DNAJC6: variants seen among roughly 807,000 people sequenced by gnomAD.
DNAJC6 encodes the protein DnaJ heat shock protein family (Hsp40) member C6.
In DNAJC6, 34 loss-of-function variants were observed where a neutral mutation model predicts 110.0. The observed-to-expected ratio is 0.31, with a 90% CI of 0.24 to 0.41. The LOEUF (loss-of-function observed/expected upper bound fraction) is 0.41, where lower values mean the gene tolerates loss of function less well. Ranked by LOEUF, DNAJC6 falls within the 10% of genes least tolerant of loss-of-function variation. The pLI is 1.00. For missense variants in DNAJC6, 1,031 were observed against 1,207.8 expected (o/e 0.85, Z 2.17); for synonymous variants, 406 against 437.2 (o/e 0.93, Z 0.89).
At chr1:65,344,901 C>A (rs764391775) in intron 1 of DNAJC6, among the ~76,000 whole-genome samples, 1 of 152,154 alleles carries the variant, frequency 6.6e-6, no homozygotes, top group Non-Finnish European at 1.5e-5. Flanking sequence ...GATGCCTGAT[C>A]TGTATACATT....
chr1:65,366,865 A>G (rs2101561043), intron 4 of DNAJC6, among the ~76,000 whole-genome samples: 1 of 152,324 alleles, frequency 6.6e-6, no homozygotes, highest in South Asian at 2.1e-4. Flanking sequence ...AATAAATAGA[A>G]TGGACTTTCT....
rs528398632 is a variant in DNAJC6 at position 65,397,584 on chromosome 1, G to A, written c.2039-1229G>A. On this transcript the variant is annotated intron_variant, in intron 13 of 18. Transcript: ENST00000371069. ...TGATGTGGTGCCTTGCATGTGGTAG[G>A]TAGTCATAAGGGTTTGTGGGTTTGA... is the stretch of plus-strand genomic sequence containing the variant. 5.9e-5 allele frequency among the ~76,000 whole-genome samples: 9 copies of A among 152,272 alleles called. No homozygotes were observed. In the East Asian group the frequency reaches 9.7e-4, roughly 16 times the overall value.
At chr1:65,399,797 TTG>T (rs1285213509) in intron 14 of DNAJC6, among the ~76,000 whole-genome samples, 1 of 152,236 alleles carries the variant, frequency 6.6e-6, no homozygotes, top group African/African-American at 2.4e-5. Flanking sequence ...CATTTGACTT[TTG>T]TGGCTGGCTT....
intron 4 of DNAJC6, among the ~76,000 whole-genome samples, chr1:65,373,352 C>G (rs1645726891): frequency 6.6e-6 from 1 of 151,956 alleles, no homozygotes; most frequent in South Asian, 2.1e-4. Flanking sequence ...CATATGGAAC[C>G]TTCATACTGT....
intron 1 of DNAJC6, among the ~76,000 whole-genome samples, chr1:65,302,581 T>A (rs1644998591): frequency 7.6e-6 from 1 of 131,676 alleles, no homozygotes. Context: ...CAGGCCGGAC[T>A]GCGGACTGCA....
At chr1:65,412,533 C>T (rs1248964615) in intron 18 of DNAJC6, among the ~76,000 whole-genome samples, 7 of 152,128 alleles carry the variant, frequency 4.6e-5, no homozygotes, top group Non-Finnish European at 7.4e-5. Flanking sequence ...CAGAAAAATC[C>T]ACAAACTGTA....
chr1:65,327,029 G>A (rs1645247711), intron 1 of DNAJC6, among the ~76,000 whole-genome samples: 1 of 152,038 alleles, frequency 6.6e-6, no homozygotes, highest in African/African-American at 2.4e-5. Flanking sequence ...TAGAAAGAAG[G>A]GTCTATATAA....
At chr1:65,398,635 G>A (rs904513155) in intron 13 of DNAJC6, among the ~76,000 whole-genome samples, 178 bp from the exon 14 acceptor site, 2 of 152,198 alleles carry the variant, frequency 1.3e-5, no homozygotes, top group Admixed American at 1.3e-4. Context: ...CAGAGGTGAA[G>A]GCAGAACATA....
At chr1:65,365,755 G>C (rs1645639513) in intron 2 of DNAJC6, 130 bp from the exon 3 acceptor site, 1 of 958,248 alleles carries the variant, frequency 1.0e-6, no homozygotes, top group African/African-American at 1.6e-5. Flanking sequence ...TGGAGAGAAG[G>C]GCTGGAGGGG....
intron 1 of DNAJC6, among the ~76,000 whole-genome samples, chr1:65,344,312 C>T (rs113476349): frequency 0.019 from 2,906 of 152,294 alleles, 46 homozygotes; most frequent in South Asian, 0.033. Flanking sequence ...GATACATGCA[C>T]ATGTGTGTAT....
chr1:65,393,319 T>C (rs1645946981), intron 12 of DNAJC6, among the ~76,000 whole-genome samples: 1 of 152,178 alleles, frequency 6.6e-6, no homozygotes, highest in African/African-American at 2.4e-5. Flanking sequence ...AATGGAAGCA[T>C]AGAATTAAAT....
intron 1 of DNAJC6, among the ~76,000 whole-genome samples, chr1:65,325,071 G>A (rs1385142206): frequency 6.6e-6 from 1 of 152,190 alleles, no homozygotes; most frequent in Admixed American, 6.5e-5. Flanking sequence ...GGCTGCAGGA[G>A]GTTCTTTGCT....
intron 8 of DNAJC6, among the ~76,000 whole-genome samples, chr1:65,387,765 G>C (rs1645886483): frequency 6.6e-6 from 1 of 152,380 alleles, no homozygotes; most frequent in Admixed American, 6.5e-5. Context: ...AATGTGGCAA[G>C]TAATTGTGTT....
intron 13 of DNAJC6, among the ~76,000 whole-genome samples, chr1:65,397,693 A>T (rs1030627419): frequency 6.6e-6 from 1 of 152,182 alleles, no homozygotes; most frequent in Non-Finnish European, 1.5e-5. Context: ...AGGAAATCAG[A>T]TAGAACGTAC....
At chr1:65,308,118 C>T (rs894576511), upstream of DNAJC6, among the ~76,000 whole-genome samples, 4 of 152,130 alleles carry the variant, frequency 2.6e-5, no homozygotes, top group East Asian at 1.9e-4. Context: ...TAGAGCTTCC[C>T]GGAAACTTTC....
chr1:65,405,802 GTCT>G (rs1255058264), intron 15 of DNAJC6, 65 bp from the exon 16 acceptor site: 1 of 1,522,582 alleles, frequency 6.6e-7, no homozygotes, highest in African/African-American at 1.4e-5. Flanking sequence ...TGCAAACAGT[GTCT>G]TAAGACACAA....
chr1:65,385,851 G>A lies in DNAJC6; in HGVS notation c.940G>A (p.Val314Ile), dbSNP rs768478038. The change falls in exon 7 of 19, where the codon GTA (valine) becomes ATA (isoleucine). Residue 314 changes from valine (V) to isoleucine (I), a missense_variant. By Grantham distance (29) the Val-to-Ile change is conservative. Coordinates refer to ENST00000371069, the MANE Select transcript of DNAJC6 (RefSeq NM_001256864.2). ...QRNGCRPYCD[V>I]LIGETKIYST... ...GAATGGATGTCGCCCTTACTGTGAT[G>A]TACTCATTGGAGAAACCAAAATATA... 1.1e-5 allele frequency: 18 copies of A among 1,613,682 alleles called. No individual in the cohort carries two copies. Among genetic ancestry groups the A allele is most frequent in the Non-Finnish European group, 1.4e-5 (16 of 1,179,696 alleles).
rs372753445 is a variant in DNAJC6 at position 65,410,339 on chromosome 1, T to C, written c.2635-911T>C. ...CTTTGATACATTTTTTAGTACAATG[T>C]AGGGTCTTTCATTTGCATGTTTTTC... is the stretch of plus-strand genomic sequence containing the variant. On this transcript the variant is annotated intron_variant, in intron 17 of 18. Transcript: ENST00000371069. 1.8e-3 allele frequency among the ~76,000 whole-genome samples: 267 copies of C among 152,294 alleles called. 2 individuals are homozygous for C. Among genetic ancestry groups the C allele is most frequent in the African/African-American group, 6.1e-3 (252 of 41,562 alleles).
intron 1 of DNAJC6, among the ~76,000 whole-genome samples, chr1:65,320,936 C>G (rs375202624): frequency 6.6e-6 from 1 of 151,196 alleles, no homozygotes; most frequent in African/African-American, 2.4e-5. Flanking sequence ...ATTTCAAGTT[C>G]TAGGTACAGC....
Sources: allele counts gnomAD v4.1 joint callset (sites outside exome capture counted in the v4.1 genomes callset), GRCh38; gene constraint gnomAD v4.1.1; transcripts MANE v1.5; gene names NCBI Gene and HGNC (gene_info 2026-07-23, HGNC 2026-07-21).